SLC39A5: variants seen among roughly 807,000 people sequenced by gnomAD.
SLC39A5 encodes zinc transporter ZIP5.
SLC39A5 carries 42 observed loss-of-function variants against 46.9 expected under a neutral mutation model. The observed-to-expected ratio is 0.90, with a 90% CI of 0.70 to 1.16. The LOEUF (loss-of-function observed/expected upper bound fraction) is 1.16. SLC39A5 is among the 50% of genes most tolerant of loss of function. The pLI is 0.00. For missense variants in SLC39A5, 677 were observed against 686.8 expected (o/e 0.99, Z 0.16); for synonymous variants, 311 against 323.1 (o/e 0.96, Z 0.40).
chr12:56,236,898 T>C, intron 10 of SLC39A5, 33 bp from the exon 11 acceptor site: 12 of 1,612,850 alleles, frequency 7.4e-6, no homozygotes, highest in Non-Finnish European at 1.0e-5. Flanking sequence ...ACTTTTCTTC[T>C]GGACTGACAA....
rs1565602742 is a variant in SLC39A5 at position 56,236,920 on chromosome 12, G to C, written c.1208-11G>C. The C allele has an allele frequency of 6.2e-7, 1 of 1,614,000 alleles. No individual in the cohort carries two copies. The highest frequency in any genetic ancestry group is 2.2e-5 in the East Asian group (1 of 44,890). On this transcript the variant is annotated splice_polypyrimidine_tract_variant and intron_variant, in intron 10 of 12. Coordinates refer to ENST00000454355, the MANE Select transcript of SLC39A5 (RefSeq NM_173596.3). ...TTCTGGACTGACAACTTCCGACCCT[G>C]CTGGCCCCAGGTGCTGCCTTCTCTG...
At chr12:56,237,558 C>A (rs1216868600) in intron 12 of SLC39A5, 30 bp from the exon 13 acceptor site, 3 of 1,613,400 alleles carry the variant, frequency 1.9e-6, no homozygotes, top group Non-Finnish European at 2.5e-6. Context: ...GGGGCAAGGC[C>A]AGAATCCTGA....
intron 5 of SLC39A5, among the ~76,000 whole-genome samples, chr12:56,233,230 C>CTCCAG (rs1454059519): frequency 7.7e-6 from 1 of 129,132 alleles, no homozygotes; most frequent in African/African-American, 2.9e-5. Context: ...ACCATTTGCA[C>CTCCAG]TCCAGCCTGG....
At chr12:56,233,264 CAAAAAAAAAAAAAAA>C (rs71081337) in intron 5 of SLC39A5, among the ~76,000 whole-genome samples, 88 of 31,032 alleles carry the variant, frequency 2.8e-3, no homozygotes, top group South Asian at 0.014. Flanking sequence ...GACTCTGTCT[CAAAAAAAAAAAAAAA>C]AAAAAAAAAA....
Position 56,235,317 on chromosome 12 carries a change from GCTACCGCATGTATGTGAAGCCCCTT to G in SLC39A5, c.797_804+17del, listed in dbSNP as rs1565600809. 1 of 1,521,120 alleles carries G rather than the reference GCTACCGCATGTATGTGAAGCCCCTT, an allele frequency of 6.6e-7. No homozygotes were observed. The highest frequency in any genetic ancestry group is 1.4e-5 in the African/African-American group (1 of 72,130). 94.2% of individuals were successfully genotyped at this position (1,521,120 alleles called of 1,614,324 possible). On this transcript the variant is annotated splice_donor_variant and splice_donor_5th_base_variant and coding_sequence_variant and intron_variant, in exon 7 of 13. Transcript: ENST00000454355. LOFTEE classifies it high-confidence loss of function. The stretch of plus-strand genomic sequence containing the variant: ...TTTGTGGGGATGCACTGCTACATCT[GCTACCGCATGTATGTGAAGCCCCTT>G]CCTTGTACCCCTGGCCTCCATGGAT...
intron 8 of SLC39A5, 47 bp downstream of exon 8, chr12:56,235,747 G>A: frequency 6.2e-7 from 1 of 1,609,740 alleles, no homozygotes; most frequent in Non-Finnish European, 8.5e-7. Flanking sequence ...CAGAGTCCCA[G>A]TCAAGAACTG....
chr12:56,232,165 T>TC (rs1486660918), intron 4 of SLC39A5, among the ~76,000 whole-genome samples: 8 of 124,588 alleles, frequency 6.4e-5, no homozygotes, highest in African/African-American at 2.3e-4. Flanking sequence ...TCTTTTCTTT[T>TC]TTTTTTTTTT....
chr12:56,237,529 C>T, intron 12 of SLC39A5, 59 bp from the exon 13 acceptor site: 1 of 1,608,368 alleles, frequency 6.2e-7, no homozygotes, highest in Non-Finnish European at 8.5e-7. Context: ...GACACCATTC[C>T]TCTGGAGTTG....
At chr12:56,232,020 C>T (rs994224310) in intron 4 of SLC39A5, among the ~76,000 whole-genome samples, 1 of 152,036 alleles carries the variant, frequency 6.6e-6, no homozygotes, top group East Asian at 1.9e-4. Context: ...ATGTGAACTA[C>T]CACCCTAGCC....
intron 10 of SLC39A5, 88 bp from the exon 11 acceptor site, chr12:56,236,843 A>T: frequency 6.3e-7 from 1 of 1,588,300 alleles, no homozygotes; most frequent in Non-Finnish European, 8.6e-7. Context: ...GAAGATGGGG[A>T]GAGGACGGGA....
In SLC39A5 at chr12:56,237,331, T is replaced by A. The variant is rs200013030; in HGVS notation, c.1470T>A (p.Leu490=). ...VTAGVFLYVA[L]VDMLPALLRP... Reference sequence around the variant, plus strand: ...CTGGGGTCTTCCTCTATGTGGCCCTTGTGGACATGGTGAGAGATGTCGGGT... The same window carrying A: ...CTGGGGTCTTCCTCTATGTGGCCCTAGTGGACATGGTGAGAGATGTCGGGT... Residue 490 remains leucine (L), a synonymous_variant, in exon 12 of 13, where the codon CTT becomes CTA. Coordinates refer to ENST00000454355, the MANE Select transcript of SLC39A5 (RefSeq NM_173596.3). 1.3e-6 allele frequency: 2 copies of A among 1,593,404 alleles called. No individual in the cohort carries two copies. The highest frequency in any genetic ancestry group is 2.7e-5 in the African/African-American group (2 of 74,394).
chr12:56,231,377 G>A lies in SLC39A5; in HGVS notation c.103G>A (p.Glu35Lys), dbSNP rs761367328. The A allele has an allele frequency of 5.6e-6, 9 of 1,614,098 alleles. No homozygotes were observed. The highest frequency in any genetic ancestry group is 4.2e-6 in the Non-Finnish European group (5 of 1,180,018). The change falls in exon 4 of 13, where the codon GAG (glutamate) becomes AAG (lysine). Residue 35 changes from glutamate (E) to lysine (K), a missense_variant. Physicochemically the swap from Glu to Lys is moderately conservative, Grantham distance 56. Coordinates refer to ENST00000454355, the MANE Select transcript of SLC39A5 (RefSeq NM_173596.3). Reference sequence around the variant, plus strand: ...CCCCAACCTGGGCCCTGCTGAGCAGGAGCAGAACCATTACCTGGCCCAGCT... The same window carrying A: ...CCCCAACCTGGGCCCTGCTGAGCAGAAGCAGAACCATTACCTGGCCCAGCT... ...SVPNLGPAEQ[E>K]QNHYLAQLFG...
rs755561631 is a variant in SLC39A5, at chr12:56,232,794, G to T, written c.393G>T (p.Gly131=). 6.2e-7 allele frequency: 1 copy of T among 1,612,508 alleles called. No individual in the cohort carries two copies. Among genetic ancestry groups the T allele is most frequent in the Admixed American group, 1.7e-5 (1 of 59,596 alleles). The change falls in exon 5 of 13, where the codon GGG becomes GGT. Residue 131 remains glycine (G), a synonymous_variant. Transcript: ENST00000454355. ...EESKAPHLPR[G]PAPSGLDLLH... is the part of the protein sequence containing the mutation. ...CAAAGGCCCCTCACCTACCCCGTGG[G>T]CCAGCCCCCTCGGGCCTGGACCTCC...
In SLC39A5 at chr12:56,237,669, G is replaced by A. The variant is rs377671437; in HGVS notation, c.1561G>A (p.Gly521Ser). The A allele has an allele frequency of 3.9e-5, 63 of 1,607,912 alleles. No individual in the cohort carries two copies. In the African/African-American group the frequency reaches 5.7e-4, roughly 15 times the overall value. The change falls in exon 13 of 13, where the codon GGC becomes AGC. Residue 521 changes from glycine to serine, a missense_variant. Transcript: ENST00000454355. ...LQGLGLLLGGGLMLAITLLEE... is the reference protein window; with the variant it reads ...LQGLGLLLGGSLMLAITLLEE... ...GGGGCTGGGGCTGCTGCTGGGGGGCGGCCTCATGCTTGCCATAACCCTGCT... is the reference window on the plus strand; with the variant it reads ...GGGGCTGGGGCTGCTGCTGGGGGGCAGCCTCATGCTTGCCATAACCCTGCT...
intron 7 of SLC39A5, 67 bp from the exon 8 acceptor site, chr12:56,235,493 A>G (rs200871955): frequency 1.7e-5 from 26 of 1,564,012 alleles, no homozygotes; most frequent in African/African-American, 2.8e-5. Context: ...GCTTGCCACA[A>G]TCCATGCAAG....
rs765581493 is a variant in SLC39A5 at position 56,232,757 on chromosome 12, A to T, written c.356A>T (p.Asp119Val). 1.2e-6 allele frequency: 2 copies of T among 1,612,340 alleles called. No homozygotes were observed. The highest frequency in any genetic ancestry group is 1.7e-6 in the Non-Finnish European group (2 of 1,179,368). ...GMPLGPSGWGDLEESKAPHLP... is the reference protein window; with the variant it reads ...GMPLGPSGWGVLEESKAPHLP... ...CCTCTGGGTCCCTCAGGGTGGGGTG[A>T]CCTGGAAGAGTCAAAGGCCCCTCAC... Residue 119 changes from aspartate (D) to valine (V), a missense_variant, in exon 5 of 13, where the codon GAC (aspartate) becomes GTC (valine). Coordinates refer to ENST00000454355, the MANE Select transcript of SLC39A5 (RefSeq NM_173596.3).
At chr12:56,237,394 G>A (rs1186945621) in intron 12 of SLC39A5, 54 bp downstream of exon 12, 2 of 1,546,296 alleles carry the variant, frequency 1.3e-6, no homozygotes, top group Non-Finnish European at 1.8e-6. Flanking sequence ...AGGCGGGAGT[G>A]GAGAGGGAGG....
chr12:56,236,261 G>A, intron 8 of SLC39A5, 135 bp from the exon 9 acceptor site: 1 of 746,048 alleles, frequency 1.3e-6, no homozygotes, highest in South Asian at 1.7e-5. Flanking sequence ...AACTTGGGAA[G>A]AAGGTAGAGG....
rs116413529 is a variant in SLC39A5 at position 56,231,284 on chromosome 12, T to C, written c.10T>C (p.Ser4Pro). 2,072 of 1,605,402 alleles carry C rather than the reference T, an allele frequency of 1.3e-3. 35 individuals are homozygous for C. The African/African-American group carries it at 0.025, about 19-fold the overall frequency. The change falls in exon 4 of 13, where the codon TCC becomes CCC. Residue 4 changes from serine (S) to proline (P), a missense_variant. By Grantham distance (74) the Ser-to-Pro change is moderately conservative (BLOSUM62 -1). Coordinates refer to ENST00000454355, the MANE Select transcript of SLC39A5 (RefSeq NM_173596.3). MMG[S>P]PVSHLLAGFC... ...GCTATTCCCCTCACCAATGATGGGG[T>C]CCCCAGTGAGTCATCTGCTGGCCGG...
Sources: allele counts gnomAD v4.1 joint callset (sites outside exome capture counted in the v4.1 genomes callset), GRCh38; gene constraint gnomAD v4.1.1; transcripts MANE v1.5; gene names NCBI Gene and HGNC (gene_info 2026-07-23, HGNC 2026-07-21).